The following DNAH17 variants were observed in gnomAD, a reference collection of about 807,000 sequenced individuals.
DNAH17 encodes dynein axonemal heavy chain 17.
DNAH17 carries 376 observed loss-of-function variants against 485.6 expected under a neutral mutation model. That is an observed-to-expected ratio of 0.77 (90% confidence interval 0.71 to 0.84). The LOEUF (loss-of-function observed/expected upper bound fraction) is 0.84, where lower values mean the gene tolerates loss of function less well. DNAH17 is among the 40% of genes least tolerant of loss of function. The pLI is 0.00. For synonymous variants in DNAH17, 3,031 were observed against 2,405.9 expected (o/e 1.26, Z -7.60); for missense variants, 6,370 against 5,839.3 (o/e 1.09, Z -2.96).
At chr17:78,436,896 G>C (rs954950087) in intron 74 of DNAH17, among the ~76,000 whole-genome samples, 2 of 152,092 alleles carry the variant, frequency 1.3e-5, no homozygotes, top group African/African-American at 4.8e-5. Flanking sequence ...GGCCAGGAAG[G>C]CTGTGGAGAA....
intron 38 of DNAH17, among the ~76,000 whole-genome samples, chr17:78,495,646 C>T (rs1042544409): frequency 6.6e-6 from 1 of 152,060 alleles, no homozygotes; most frequent in African/African-American, 2.4e-5. Context: ...CCATCTTGAC[C>T]GGGCTGGTCT....
At chr17:78,571,521 G>A (rs1598749070) in intron 4 of DNAH17, 69 bp downstream of exon 4, 1 of 1,574,260 alleles carries the variant, frequency 6.4e-7, no homozygotes, top group Non-Finnish European at 8.7e-7. Flanking sequence ...GGCACTGGGA[G>A]GCGGAGAGCT....
chr17:78,542,790 T>C (rs1387494616), intron 17 of DNAH17, among the ~76,000 whole-genome samples: 4 of 152,178 alleles, frequency 2.6e-5, no homozygotes, highest in African/African-American at 9.7e-5. Flanking sequence ...CCCATTCACA[T>C]ATGCAGGTAG....
At chr17:78,472,367 G>T (rs1031881334) in intron 54 of DNAH17, among the ~76,000 whole-genome samples, 2 of 151,964 alleles carry the variant, frequency 1.3e-5, no homozygotes, top group Non-Finnish European at 2.9e-5. Flanking sequence ...GGAGTGGCGG[G>T]TGCGAGACAC....
In DNAH17 at chr17:78,574,865, A is replaced by G. The variant is rs757618427; in HGVS notation, c.193T>C (p.Cys65Arg). Residue 65 changes from cysteine (C) to arginine (R), a missense_variant, in exon 2 of 81, where the codon TGC (cysteine) becomes CGC (arginine). Cys to Arg is a radical substitution (Grantham distance 180, BLOSUM62 -3). Transcript: ENST00000389840. The stretch of plus-strand genomic sequence containing the variant: ...TTGAGGGACTGGGGGAAGCCCAGGC[A>G]GGGTATGATCATGCCGGCTGCATTG... ...TLNAAGMIIP[C>R]LGFPQSLKSK... The G allele has an allele frequency of 6.2e-7, 1 of 1,613,912 alleles. No homozygotes were observed.
At position 78,451,452 on chromosome 17, in the gene DNAH17, A is replaced by G. The variant is rs544512498; in HGVS notation, c.10734+17T>C. 6.3e-7 allele frequency: 1 copy of G among 1,596,916 alleles called. No individual in the cohort carries two copies. Among genetic ancestry groups the G allele is most frequent in the East Asian group, 2.2e-5 (1 of 44,652 alleles). ...GGACGGCACCTCCTCCCGTGTGACC[A>G]AACTTCAGGCCATTACCTTCAGCTG... On this transcript the variant is annotated intron_variant, in intron 66 of 80. Transcript: ENST00000389840.
At chr17:78,562,024 C>T in intron 11 of DNAH17, 44 bp from the exon 12 acceptor site, 1 of 1,519,830 alleles carries the variant, frequency 6.6e-7, no homozygotes, top group Non-Finnish European at 8.8e-7. Flanking sequence ...CAGTCTCCTC[C>T]CCTTCCCCAG....
intron 71 of DNAH17, among the ~76,000 whole-genome samples, chr17:78,442,290 G>A (rs1003628120): frequency 6.6e-5 from 10 of 152,130 alleles, no homozygotes; most frequent in Admixed American, 2.6e-4. Context: ...GCAATCAGCC[G>A]GCTATTGCCT....
In DNAH17 at chr17:78,495,973, C is replaced by G. The variant is rs781313363; in HGVS notation, c.5805G>C (p.Glu1935Asp). ...AKKKAFNFLG[E>D]IIGLIPTVGI... ...CGACGGTGGGAATGAGGCCTATGAT[C>G]TCTCCCAGGAAATTGAATGCTTTTT... is the stretch of plus-strand genomic sequence containing the variant. Residue 1935 changes from glutamate (E) to aspartate (D), a missense_variant, in exon 38 of 81, where the codon GAG becomes GAC. Glu to Asp is a conservative substitution (Grantham distance 45). Coordinates refer to ENST00000389840, the MANE Select transcript of DNAH17 (RefSeq NM_173628.4). The G allele has an allele frequency of 6.2e-7, 1 of 1,613,928 alleles. No homozygotes were observed. Among genetic ancestry groups the G allele is most frequent in the Non-Finnish European group, 8.5e-7 (1 of 1,179,856 alleles).
In DNAH17 at chr17:78,439,325, G is replaced by C. The variant is rs1427969043; in HGVS notation, c.11678-108C>G. 4 of 1,320,198 alleles carry C rather than the reference G, an allele frequency of 3.0e-6. No individual in the cohort carries two copies. In the East Asian group the frequency reaches 9.7e-5, roughly 32 times the overall value. 81.8% of individuals were successfully genotyped at this position (1,320,198 alleles called of 1,614,324 possible). On this transcript the variant is annotated intron_variant, in intron 72 of 80. Coordinates refer to ENST00000389840, the MANE Select transcript of DNAH17 (RefSeq NM_173628.4). ...CACATGCCTCCCTCATTTAGTTTCG[G>C]TGGTGAAATACACATGACATAAAAC...
At chr17:78,522,858 C>CTTTTT in intron 25 of DNAH17, 1 of 159,992 alleles carries the variant, frequency 6.3e-6, no homozygotes, top group South Asian at 1.6e-4. Flanking sequence ...CTTTTTCTTT[C>CTTTTT]TTTTTTTTTT....
intron 54 of DNAH17, among the ~76,000 whole-genome samples, chr17:78,471,958 C>T (rs993075083): frequency 2.0e-5 from 3 of 152,268 alleles, no homozygotes; most frequent in African/African-American, 7.2e-5. Flanking sequence ...CAGGGCAGTT[C>T]TCCCCCACCC....
Position 78,480,698 on chromosome 17 carries a change from C to T in DNAH17, c.7738G>A (p.Asp2580Asn), listed in dbSNP as rs1412020117. 16 of 1,613,334 alleles carry T rather than the reference C, an allele frequency of 9.9e-6. No homozygotes were observed. The highest frequency in any genetic ancestry group is 4.4e-5 in the South Asian group (4 of 91,004). The change falls in exon 49 of 81, where the codon GAC becomes AAC. Residue 2580 changes from aspartate to asparagine, a missense_variant. Coordinates refer to ENST00000389840, the MANE Select transcript of DNAH17 (RefSeq NM_173628.4). ...TTTCTGCTTACCTGAAGCCTGGAGT[C>T]GATGGTGAAGGATCCGGAAGTGGGG... ...MNPTSGSFTI[D>N]SRLQRHFCVF...
intron 11 of DNAH17, 42 bp from the exon 12 acceptor site, chr17:78,562,022 TC>T (rs748657116): frequency 6.6e-7 from 1 of 1,519,656 alleles, no homozygotes; most frequent in Middle Eastern, 1.8e-4. Flanking sequence ...CACAGTCTCC[TC>T]CCCTTCCCCA....
At position 78,428,669 on chromosome 17, in the gene DNAH17, C is replaced by T; in HGVS notation, c.12444G>A (p.Glu4148=). Reference sequence around the variant, plus strand: ...GGTGCAGGCCATACAGATAGGGACTCTCAGGGGGCAGGTTCTCATCGATGT... The same window carrying T: ...GGTGCAGGCCATACAGATAGGGACTTTCAGGGGGCAGGTTCTCATCGATGT... ...HEYIDENLPP[E]SPYLYGLHPN... Residue 4148 remains glutamate, a synonymous_variant, in exon 77 of 81, where the codon GAG becomes GAA. Coordinates refer to ENST00000389840, the MANE Select transcript of DNAH17 (RefSeq NM_173628.4). 6.2e-7 allele frequency: 1 copy of T among 1,614,010 alleles called. No individual in the cohort carries two copies. Among genetic ancestry groups the T allele is most frequent in the South Asian group, 1.1e-5 (1 of 91,082 alleles).
At chr17:78,494,565 G>C (rs1266612754) in intron 40 of DNAH17, 28 bp downstream of exon 40, 2 of 1,609,806 alleles carry the variant, frequency 1.2e-6, no homozygotes, top group East Asian at 2.2e-5. Context: ...GGCTTCTCCG[G>C]ACAGACCTGA....
In DNAH17 at chr17:78,498,989, C is replaced by G; in HGVS notation, c.5745+19G>C. 1 of 1,584,112 alleles carries G rather than the reference C, an allele frequency of 6.3e-7. No individual in the cohort carries two copies. Among genetic ancestry groups the G allele is most frequent in the Non-Finnish European group, 8.6e-7 (1 of 1,164,128 alleles). On this transcript the variant is annotated intron_variant, in intron 37 of 80. Transcript: ENST00000389840. The stretch of plus-strand genomic sequence containing the variant: ...CAGTCACCCGACGTGACCCCGAGGC[C>G]GCAGGCAGGGGACTTTACCTGCACG...
At chr17:78,551,123 G>A (rs1350404353) in intron 16 of DNAH17, among the ~76,000 whole-genome samples, 1 of 152,194 alleles carries the variant, frequency 6.6e-6, no homozygotes, top group Non-Finnish European at 1.5e-5. Flanking sequence ...GCACATTAGA[G>A]CATCAGTGAC....
chr17:78,532,717 G>C lies in DNAH17; in HGVS notation c.2879C>G (p.Thr960Arg), dbSNP rs201593974. The C allele has an allele frequency of 1.6e-3, 2,572 of 1,592,916 alleles. 9 individuals carry two copies. The highest frequency in any genetic ancestry group is 1.7e-3 in the Non-Finnish European group (1,957 of 1,168,248). The change falls in exon 20 of 81, where the codon ACA becomes AGA. Residue 960 changes from threonine (T) to arginine (R), a missense_variant. Transcript: ENST00000389840. ...MNYKMDLEDNTDLIEMREEVS... is the reference protein window; with the variant it reads ...MNYKMDLEDNRDLIEMREEVS... The stretch of plus-strand genomic sequence containing the variant: ...CTCCTCCCTCATCTCTATGAGGTCT[G>C]TGTTATCTTCCAGGTCCATCTGAAA...
Sources: gnomAD v4.1 joint callset for allele counts (sites outside exome capture counted in the v4.1 genomes callset) on GRCh38, gnomAD v4.1.1 for gene constraint, MANE v1.5 for transcripts, NCBI Gene and HGNC (gene_info 2026-07-23, HGNC 2026-07-21) for gene names.